Variants in MYO1C observed in about 807,000 individuals in gnomAD.
The protein encoded by MYO1C is myosin IC, also known as unconventional myosin-Ic.
Under a neutral mutation model 150.8 loss-of-function variants are expected in MYO1C, and 104 were observed. The observed-to-expected ratio is 0.69, with a 90% CI of 0.59 to 0.81. The LOEUF (loss-of-function observed/expected upper bound fraction) is 0.81, where lower values mean the gene tolerates loss of function less well. Among genes scored for constraint, MYO1C ranks in the 30% least tolerant of loss-of-function variants. The pLI is 0.00. For synonymous variants in MYO1C, 663 were observed against 579.9 expected, an observed-to-expected ratio of 1.14 and a Z score of -2.06; for missense variants, 1,504 against 1,435.0, an observed-to-expected ratio of 1.05 and a Z score of -0.78.
In MYO1C at chr17:1,482,853, C is replaced by A. The variant is rs1238694998; in HGVS notation, c.546+8G>T. On this transcript the variant is annotated splice_region_variant and intron_variant, in intron 4 of 31. Transcript: ENST00000648651. ...CACTGGCACTGGGCTTCTCTCCCTG[C>A]CCCTCACCTCCAGCACCGGGTTGCT... is the stretch of plus-strand genomic sequence containing the variant. The A allele has an allele frequency of 1.9e-6, 3 of 1,610,338 alleles. No individual in the cohort carries two copies. Among genetic ancestry groups the A allele is most frequent in the African/African-American group, 1.3e-5 (1 of 74,652 alleles).
At position 1,467,866 on chromosome 17, in the gene MYO1C, C is replaced by T; in HGVS notation, c.2941G>A (p.Val981Ile). Residue 981 changes from valine (V) to isoleucine (I), a missense_variant, in exon 29 of 32, where the codon GTA becomes ATA. Transcript: ENST00000648651. ...TTTTGCTTATTGTCCGCACGCTGTA[C>T]ATGAAGCACAAAAAGACTGTCGCTC... is the stretch of plus-strand genomic sequence containing the variant. ...SLSDSLFVLH[V>I]QRADNKQKGD... 1.2e-6 allele frequency: 2 copies of T among 1,605,548 alleles called. No individual in the cohort carries two copies. Among genetic ancestry groups the T allele is most frequent in the Middle Eastern group, 3.3e-4 (2 of 6,034 alleles).
chr17:1,492,090 T>A (rs925788477), intron 1 of MYO1C: 1 of 397,890 alleles, frequency 2.5e-6, no homozygotes, highest in African/African-American at 2.1e-5. Context: ...TGACTGAGCC[T>A]GGAGCTTCCA....
intron 31 of MYO1C, among the ~76,000 whole-genome samples, chr17:1,466,682 G>A (rs1360288796): frequency 6.9e-6 from 1 of 145,272 alleles, no homozygotes; most frequent in Non-Finnish European, 1.5e-5. Flanking sequence ...CTGGAGTGCA[G>A]TGGCATGATA....
At chr17:1,470,759 C>G (rs764116385) in intron 21 of MYO1C, 70 bp from the exon 22 acceptor site, 35 of 1,483,866 alleles carry the variant, frequency 2.4e-5, no homozygotes, top group Non-Finnish European at 2.9e-5. Flanking sequence ...GCCGTGTGCG[C>G]TCCACGAGTG....
chr17:1,478,550 C>T lies in MYO1C; in HGVS notation c.1213-58G>A. On this transcript the variant is annotated intron_variant, in intron 10 of 31. Coordinates refer to ENST00000648651, the MANE Select transcript of MYO1C (RefSeq NM_001080779.2). The surrounding 1 kb of genome is among the most constrained non-coding windows in gnomAD (Gnocchi z 6.3). ...CCCTGCGCGTGCCAGCCCCACCCTG[C>T]AGCACCCCCCGCCTCGCCGACGGCC... The T allele has an allele frequency of 5.0e-6, 8 of 1,613,772 alleles. No individual in the cohort carries two copies. Among genetic ancestry groups the T allele is most frequent in the Non-Finnish European group, 6.8e-6 (8 of 1,179,908 alleles).
chr17:1,469,135 C>G (rs766941308), intron 25 of MYO1C: 5 of 336,884 alleles, frequency 1.5e-5, no homozygotes, highest in African/African-American at 4.3e-5. Flanking sequence ...ATAGAGCAGA[C>G]CGGGGTAAAT....
Position 1,479,376 on chromosome 17 carries a change from G to C in MYO1C, c.1092+55C>G, listed in dbSNP as rs1052657682. ...AGGCGAAGGGGAGTGATGGGAGTAG[G>C]GGCTGCCTTGGAACAGCTGCCCCTC... On this transcript the variant is annotated intron_variant, in intron 9 of 31. Coordinates refer to ENST00000648651, the MANE Select transcript of MYO1C (RefSeq NM_001080779.2). This position sits in a 1 kb window ranked among gnomAD's most constrained non-coding sequence, Gnocchi z 4.2. 5 of 839,960 alleles carry C rather than the reference G, an allele frequency of 6.0e-6. No homozygotes were observed. Among genetic ancestry groups the C allele is most frequent in the Non-Finnish European group, 9.8e-6 (5 of 508,800 alleles). The allele number at this position is 839,960 out of a possible 1,614,324, so 52.0% of individuals were successfully genotyped here. A position where few individuals can be genotyped will look rare whatever the true frequency, so the allele number is the denominator to read the frequency against.
Position 1,464,394 on chromosome 17 carries a change from CA to C in MYO1C, c.*1331del, listed in dbSNP as rs1567509090. ...CCACGCTCCCATGCCAGGGAGGGGTCAGGGGCCAGAAAAGGCCCTACATCCT... is the reference window on the plus strand; with the variant it reads ...CCACGCTCCCATGCCAGGGAGGGGTCGGGGCCAGAAAAGGCCCTACATCCT... On this transcript the variant is annotated 3_prime_UTR_variant, in exon 32 of 32. Transcript: ENST00000648651. 1 of 152,652 alleles carries C rather than the reference CA, an allele frequency of 6.6e-6. No individual in the cohort carries two copies. The highest frequency in any genetic ancestry group is 2.4e-5 in the African/African-American group (1 of 41,454). The allele number at this position is 152,652 out of a possible 1,614,324, so 9.5% of individuals were successfully genotyped here.
chr17:1,467,144 G>T, intron 31 of MYO1C, 98 bp downstream of exon 31: 1 of 1,128,476 alleles, frequency 8.9e-7, no homozygotes, highest in Non-Finnish European at 1.3e-6. Context: ...GCCTCTGGAT[G>T]AAGGCCCATG....
intron 1 of MYO1C, chr17:1,491,458 C>CCT (rs1266305109): frequency 2.6e-4 from 52 of 200,224 alleles, no homozygotes; most frequent in African/African-American, 1.0e-3. Context: ...CCCCCCCCCC[C>CCT]CGCACGGGTC....
At chr17:1,466,985 T>C (rs2074185751) in intron 31 of MYO1C, among the ~76,000 whole-genome samples, 2 of 151,748 alleles carry the variant, frequency 1.3e-5, no homozygotes, top group African/African-American at 2.4e-5. Flanking sequence ...TTCAAACTCC[T>C]GGCCTCTGGT....
Position 1,470,181 on chromosome 17 carries a change from C to T in MYO1C, c.2520G>A (p.Leu840=). 6.2e-7 allele frequency: 1 copy of T among 1,609,810 alleles called. No homozygotes were observed. Among genetic ancestry groups the T allele is most frequent in the Middle Eastern group, 1.9e-4 (1 of 5,322 alleles). The change falls in exon 24 of 32, where the codon CTG becomes CTA. Residue 840 remains leucine, a synonymous_variant. Transcript: ENST00000648651. ...DTSWPTPPPA[L]REASELLREL... Reference sequence around the variant, plus strand: ...GCAGGGGGTGCCCACAGACCTCACGCAGGGCAGGTGGGGGCGTGGGCCACG... The same window carrying T: ...GCAGGGGGTGCCCACAGACCTCACGTAGGGCAGGTGGGGGCGTGGGCCACG...
rs1004142860 is a variant in MYO1C at position 1,464,229 on chromosome 17, A to G, written c.*1497T>C. On this transcript the variant is annotated 3_prime_UTR_variant, in exon 32 of 32. Transcript: ENST00000648651. ...TTTATTTAGTGTTTCTCTGGATTGC[A>G]GAAGTGTCAGCAGTGGGCTGAGACC... The G allele has an allele frequency of 4.6e-5, 7 of 152,712 alleles. No homozygotes were observed. Among genetic ancestry groups the G allele is most frequent in the Admixed American group, 4.6e-4 (7 of 15,278 alleles). The allele number at this position is 152,712 out of a possible 1,614,324, so 9.5% of individuals were successfully genotyped here.
intron 17 of MYO1C, among the ~76,000 whole-genome samples, chr17:1,473,607 C>A (rs1469305869): frequency 6.6e-6 from 1 of 152,112 alleles, no homozygotes; most frequent in Non-Finnish European, 1.5e-5. Context: ...CTCCCCTGAC[C>A]CTCTTTTTGC....
chr17:1,472,862 G>A (rs1214812307), intron 17 of MYO1C, among the ~76,000 whole-genome samples: 3 of 151,524 alleles, frequency 2.0e-5, no homozygotes, highest in South Asian at 4.1e-4. Context: ...TAAGTACTCC[G>A]GCAAGATCCA....
At position 1,470,707 on chromosome 17, in the gene MYO1C, A is replaced by G. The variant is rs1413615334; in HGVS notation, c.2213-18T>C. 7 of 1,599,026 alleles carry G rather than the reference A, an allele frequency of 4.4e-6. No homozygotes were observed. The highest frequency in any genetic ancestry group is 1.1e-5 in the South Asian group (1 of 90,322). On this transcript the variant is annotated intron_variant, in intron 21 of 31. Transcript: ENST00000648651. ...CTTTGTGGCTGCGGTTGGGAAAGAA[A>G]GGCAATTGGCCAGAGCGCGGGGAGC...
At chr17:1,475,706 G>T (rs2074391470) in intron 14 of MYO1C, among the ~76,000 whole-genome samples, 2 of 152,338 alleles carry the variant, frequency 1.3e-5, no homozygotes, top group African/African-American at 4.8e-5. Context: ...TCACCCATTT[G>T]CTTTTAAGAA....
intron 14 of MYO1C, among the ~76,000 whole-genome samples, chr17:1,476,159 CAG>C (rs1232470256): frequency 2.0e-5 from 3 of 151,866 alleles, no homozygotes; most frequent in Non-Finnish European, 4.4e-5. Flanking sequence ...CGAATAGATT[CAG>C]AGAGACTCCT....
chr17:1,471,399 A>C (rs2074300463), intron 19 of MYO1C, 63 bp from the exon 20 acceptor site: 2 of 1,437,586 alleles, frequency 1.4e-6, no homozygotes, highest in Admixed American at 1.8e-5. Context: ...GACCCCAATC[A>C]GCTTTCTCTG....
Sources: gnomAD v4.1 joint callset for allele counts (sites outside exome capture counted in the v4.1 genomes callset) on GRCh38, gnomAD v4.1.1 for gene constraint, Gnocchi (gnomAD v3.1) non-coding constraint, MANE v1.5 for transcripts, NCBI Gene and HGNC (gene_info 2026-07-23, HGNC 2026-07-21) for gene names.